The following SHLD2 variants were observed in gnomAD, a reference collection of about 807,000 sequenced individuals.
The protein encoded by SHLD2 is RINN1-REV7-interacting novel NHEJ regulator 2.
In SHLD2, 30 loss-of-function variants were observed where a neutral mutation model predicts 73.2. The observed-to-expected ratio is 0.41, with a 90% CI of 0.31 to 0.56. The LOEUF (loss-of-function observed/expected upper bound fraction) is 0.56. SHLD2 is among the 20% of genes least tolerant of loss of function. The probability of loss-of-function intolerance (pLI) is 0.28; values close to 1 mark genes in which losing one functional copy is unlikely to be tolerated. For synonymous variants in SHLD2, 285 were observed against 370.1 expected (o/e 0.77, Z 2.64); for missense variants, 745 against 1,055.9 (o/e 0.71, Z 4.08).
intron 3 of SHLD2, among the ~76,000 whole-genome samples, chr10:87,154,634 T>A (rs3129503): frequency 6.6e-6 from 1 of 151,534 alleles, no homozygotes; most frequent in Admixed American, 6.6e-5. Context: ...GCCCACCTTG[T>A]CCTCCCAAAA....
intron 2 of SHLD2, chr10:87,115,552 T>C (rs1233544730): frequency 1.3e-5 from 2 of 151,916 alleles, no homozygotes; most frequent in African/African-American, 4.8e-5. Flanking sequence ...GTGGTGACGT[T>C]GTAAGAGGAG....
chr10:87,095,684 C>G (rs994576688), intron 1 of SHLD2, among the ~76,000 whole-genome samples: 1 of 152,258 alleles, frequency 6.6e-6, no homozygotes, highest in Non-Finnish European at 1.5e-5. Context: ...TTTTATTGTC[C>G]CGTTCAACTG....
Position 87,151,807 on chromosome 10 carries a change from G to A in SHLD2, c.453G>A (p.Gln151=). Residue 151 remains glutamine (Q), a synonymous_variant, in exon 3 of 10, where the codon CAG becomes CAA. Transcript: ENST00000298786. The part of the protein sequence containing the change: ...LLSENKIRDE[Q]PKHQPDICGK... Reference sequence around the variant, plus strand: ...GTGAAAATAAAATTAGAGATGAACAGCCTAAACATCAGCCAGATATATGTG... The same window carrying A: ...GTGAAAATAAAATTAGAGATGAACAACCTAAACATCAGCCAGATATATGTG... The A allele has an allele frequency of 6.2e-7, 1 of 1,611,908 alleles. No homozygotes were observed. Among genetic ancestry groups the A allele is most frequent in the South Asian group, 1.1e-5 (1 of 90,976 alleles).
At chr10:87,146,862 G>A (rs1021255992) in intron 2 of SHLD2, among the ~76,000 whole-genome samples, 1 of 151,698 alleles carries the variant, frequency 6.6e-6, no homozygotes, top group African/African-American at 2.4e-5. Flanking sequence ...TTCGAGACCA[G>A]CCTGACTTAC....
intron 4 of SHLD2, among the ~76,000 whole-genome samples, chr10:87,169,523 C>T (rs895252855): frequency 5.9e-5 from 9 of 152,126 alleles, no homozygotes; most frequent in African/African-American, 1.9e-4. Flanking sequence ...CTGTTACATC[C>T]CTTTTCTTTT....
intron 6 of SHLD2, among the ~76,000 whole-genome samples, chr10:87,173,155 G>A (rs1224373537): frequency 1.3e-5 from 2 of 150,798 alleles, no homozygotes; most frequent in African/African-American, 4.9e-5. Context: ...AGCCTCCCAA[G>A]TAAGTGGAAT....
chr10:87,138,690 A>T (rs1844975047), intron 2 of SHLD2, among the ~76,000 whole-genome samples: 1 of 152,238 alleles, frequency 6.6e-6, no homozygotes, highest in Non-Finnish European at 1.5e-5. Context: ...CTAAAAACAC[A>T]AACAGGGATA....
intron 4 of SHLD2, among the ~76,000 whole-genome samples, chr10:87,160,722 G>A (rs1846745019): frequency 6.6e-6 from 1 of 152,146 alleles, no homozygotes; most frequent in South Asian, 2.1e-4. Context: ...TGGTGCGGTG[G>A]CTCACGCCTG....
chr10:87,158,284 C>A, intron 4 of SHLD2, 129 bp downstream of exon 4: 1 of 868,266 alleles, frequency 1.2e-6, no homozygotes, highest in East Asian at 2.7e-5. Context: ...GGTTTCTTTT[C>A]ATTAGTAAGA....
At chr10:87,158,781 A>G (rs1354234533) in intron 4 of SHLD2, among the ~76,000 whole-genome samples, 2 of 152,210 alleles carry the variant, frequency 1.3e-5, no homozygotes, top group Non-Finnish European at 2.9e-5. Flanking sequence ...AAGTAAGGGA[A>G]ACAGTATAAA....
intron 4 of SHLD2, among the ~76,000 whole-genome samples, chr10:87,161,469 G>C (rs1846812549): frequency 6.6e-6 from 1 of 152,036 alleles, no homozygotes; most frequent in Non-Finnish European, 1.5e-5. Context: ...ATAGTAATTA[G>C]ACTTAATATA....
chr10:87,149,025 C>T (rs902095964), intron 2 of SHLD2, among the ~76,000 whole-genome samples: 1 of 151,660 alleles, frequency 6.6e-6, no homozygotes, highest in African/African-American at 2.4e-5. Context: ...GTAGCTGAGA[C>T]TACAGGCTTG....
At chr10:87,099,747 C>G (rs891783700) in intron 2 of SHLD2, among the ~76,000 whole-genome samples, 2 of 152,210 alleles carry the variant, frequency 1.3e-5, no homozygotes, top group Non-Finnish European at 2.9e-5. Context: ...TTAATTCTTA[C>G]CAGCAGTGAA....
Position 87,099,985 on chromosome 10 carries a change from GT to G in SHLD2, c.-6+3005del, listed in dbSNP as rs548671278. Among the ~76,000 whole-genome samples the G allele has an allele frequency of 1.1e-4, 16 of 151,194 alleles. 1 individual carries two copies. Among genetic ancestry groups the G allele is most frequent in the African/African-American group, 2.9e-4 (12 of 41,230 alleles). ...TGTCTTTTATTATTGATTTGTAAGA[GT>G]TTTTTTTTAATATGTTCTAGATGTA... On this transcript the variant is annotated intron_variant, in intron 2 of 9. Coordinates refer to ENST00000298786, the MANE Select transcript of SHLD2 (RefSeq NM_001330112.2).
rs559994160 is a variant in SHLD2, at chr10:87,108,991, A to G, written c.-6+12002A>G. ...TTCTGAGGATGATGTCCCTGCTACT[A>G]CTGTAGCCCCTGGGCAACACATCTG... On this transcript the variant is annotated intron_variant, in intron 2 of 9. Coordinates refer to ENST00000298786, the MANE Select transcript of SHLD2 (RefSeq NM_001330112.2). Among the ~76,000 whole-genome samples the G allele has an allele frequency of 4.6e-5, 7 of 152,178 alleles. No homozygotes were observed. The South Asian group carries it at 1.0e-3, about 23-fold the overall frequency.
intron 6 of SHLD2, among the ~76,000 whole-genome samples, chr10:87,174,590 T>C (rs1339663868): frequency 6.6e-6 from 1 of 150,800 alleles, no homozygotes; most frequent in Non-Finnish European, 1.5e-5. Flanking sequence ...AAAAAATCTC[T>C]AGTGAAAGAA....
intron 2 of SHLD2, among the ~76,000 whole-genome samples, chr10:87,108,110 C>T (rs377119513): frequency 6.6e-5 from 10 of 151,928 alleles, no homozygotes; most frequent in African/African-American, 2.2e-4. Context: ...AGTGCAATGG[C>T]GTGATCTTGG....
intron 2 of SHLD2, among the ~76,000 whole-genome samples, chr10:87,125,694 G>A (rs183072573): frequency 0.011 from 1,614 of 152,144 alleles, 16 homozygotes; most frequent in Middle Eastern, 0.02. Context: ...TTGAGAATGC[G>A]CCATTGCACT....
chr10:87,189,352 A>C (rs1246974122), intron 9 of SHLD2, among the ~76,000 whole-genome samples: 2 of 152,236 alleles, frequency 1.3e-5, no homozygotes, highest in South Asian at 2.1e-4. Context: ...TTAGAGAAGC[A>C]TCATTCTCAT....
Sources: gnomAD v4.1 joint callset for allele counts (sites outside exome capture counted in the v4.1 genomes callset) on GRCh38, gnomAD v4.1.1 for gene constraint, MANE v1.5 for transcripts, NCBI Gene and HGNC (gene_info 2026-07-23, HGNC 2026-07-21) for gene names.